DMKN: variants seen among roughly 807,000 people sequenced by gnomAD.
The protein encoded by DMKN is epidermis-specific secreted protein SK30/SK89.
A neutral mutation model predicts 67.6 loss-of-function variants in DMKN; 58 were observed. The observed-to-expected ratio is 0.86, with a 90% confidence interval of 0.69 to 1.07. DMKN has a LOEUF of 1.07. DMKN is among the 50% of genes least tolerant of loss of function. DMKN has a pLI of 0.00. For missense variants in DMKN, 596 were observed against 601.5 expected (o/e 0.99, Z 0.10); for synonymous variants, 240 against 232.3 (o/e 1.03, Z -0.30).
chr19:35,505,194 T>C (rs1412085850), intron 9 of DMKN, among the ~76,000 whole-genome samples: 1 of 152,058 alleles, frequency 6.6e-6, no homozygotes, highest in Non-Finnish European at 1.5e-5. Context: ...CAAAGCAGCC[T>C]GGCCAGGGGT....
rs748058652 is a variant in DMKN, at chr19:35,502,831, T to A, written c.1190A>T (p.Glu397Val). 15 of 1,613,814 alleles carry A rather than the reference T, an allele frequency of 9.3e-6. No homozygotes were observed. Among genetic ancestry groups the A allele is most frequent in the Admixed American group, 1.7e-5 (1 of 59,994 alleles). The change falls in exon 10 of 16, where the codon GAG becomes GTG. Residue 397 changes from glutamate (E) to valine (V), a missense_variant and splice_region_variant. Transcript: ENST00000339686. ...TTCAAACAGCAAGAATTCTCCTACC[T>A]CCCAGAGTCGGCTGAAGTAGAGGAG... Reference protein sequence around the residue: ...RALLYFSRLWEDFKQNTPFLN... With the variant: ...RALLYFSRLWVDFKQNTPFLN...
chr19:35,513,442 G>A lies in DMKN; in HGVS notation c.34C>T (p.Leu12=), dbSNP rs1381889754. ...KFQGPLACLL[L]ALCLGSGEAG... ...TCCCCACTGCCCAGGCAGAGGGCCA[G>A]CAGGAGGCAGGCCAGGGGCCCCTGG... The change falls in exon 1 of 16, where the codon CTG becomes TTG. Residue 12 remains leucine, a synonymous_variant. Coordinates refer to ENST00000339686, the MANE Select transcript of DMKN (RefSeq NM_033317.5). The A allele has an allele frequency of 6.2e-7, 1 of 1,601,418 alleles. No homozygotes were observed. Among genetic ancestry groups the A allele is most frequent in the East Asian group, 2.2e-5 (1 of 44,870 alleles).
At chr19:35,510,411 GA>G (rs1568629467) in intron 5 of DMKN, 159 bp from the exon 6 acceptor site, 3 of 1,552,388 alleles carry the variant, frequency 1.9e-6, no homozygotes, top group East Asian at 4.9e-5. Context: ...GTCGCTGCAG[GA>G]AGTTATTCCG....
At chr19:35,504,208 C>T (rs1168319717) in intron 9 of DMKN, among the ~76,000 whole-genome samples, 3 of 152,106 alleles carry the variant, frequency 2.0e-5, no homozygotes, top group Non-Finnish European at 2.9e-5. Flanking sequence ...TCTGTATGTG[C>T]CCCGGCTCTC....
chr19:35,508,048 T>G (rs1359569483), intron 7 of DMKN: 2 of 934,956 alleles, frequency 2.1e-6, no homozygotes, highest in African/African-American at 3.3e-5. Context: ...CTGTGAAACA[T>G]GGCCAGACCC....
At chr19:35,499,075 C>T (rs2067930039) in intron 13 of DMKN, 178 bp from the exon 14 acceptor site, 1 of 787,262 alleles carries the variant, frequency 1.3e-6, no homozygotes, top group Non-Finnish European at 2.0e-6. Flanking sequence ...GCACGTTTAT[C>T]ATCCTGAGTG....
At chr19:35,512,911 A>AG (rs2071063076) in intron 1 of DMKN, 121 bp from the exon 2 acceptor site, 1 of 1,503,582 alleles carries the variant, frequency 6.7e-7, no homozygotes. Flanking sequence ...GTGGCATAGG[A>AG]GGGGGGCAGA....
At chr19:35,509,987 T>C in intron 6 of DMKN, 26 bp from the exon 7 acceptor site, 1 of 1,613,880 alleles carries the variant, frequency 6.2e-7, no homozygotes, top group East Asian at 2.2e-5. Flanking sequence ...AGGGGAGACT[T>C]TCCCTCAGTC....
At chr19:35,506,215 A>C in intron 7 of DMKN, 1 of 1,482,392 alleles carries the variant, frequency 6.7e-7, no homozygotes, top group Non-Finnish European at 8.9e-7. Flanking sequence ...ACCGATGTCC[A>C]AGGCTTATGC....
chr19:35,511,021 C>G (rs1028888045), intron 5 of DMKN, among the ~76,000 whole-genome samples: 6 of 152,164 alleles, frequency 3.9e-5, no homozygotes, highest in South Asian at 2.1e-4. Flanking sequence ...CACAGTCCTG[C>G]CCCCATTCTC....
intron 4 of DMKN, 42 bp from the exon 5 acceptor site, chr19:35,511,635 G>A (rs771738960): frequency 1.0e-5 from 16 of 1,600,782 alleles, no homozygotes; most frequent in African/African-American, 9.4e-5. Flanking sequence ...TAAAGACAGA[G>A]CACCAAGACG....
At chr19:35,500,368 G>A (rs1289474644) in intron 12 of DMKN, 165 bp downstream of exon 12, 1 of 1,551,574 alleles carries the variant, frequency 6.4e-7, no homozygotes, top group Non-Finnish European at 8.7e-7. Context: ...GTCCATGGTA[G>A]ATGTCTCACC....
rs8106768 is a variant in DMKN at position 35,500,867 on chromosome 19, T to G, written c.1240-287A>C. Among the ~76,000 whole-genome samples the G allele has an allele frequency of 5.3e-3, 803 of 152,288 alleles. 7 individuals are homozygous for G. The highest frequency in any genetic ancestry group is 0.018 in the African/African-American group (767 of 41,558). On this transcript the variant is annotated intron_variant, in intron 11 of 15. Coordinates refer to ENST00000339686, the MANE Select transcript of DMKN (RefSeq NM_033317.5). ...AGCTAGAACAAGTGAGCTGCAGCCA[T>G]GCAGGCTCCTCTGGGGCAGACGCAG...
At position 35,511,517 on chromosome 19, in the gene DMKN, C is replaced by A; in HGVS notation, c.812G>T (p.Gly271Val). Residue 271 changes from glycine (G) to valine (V), a missense_variant, in exon 5 of 16, where the codon GGC (glycine) becomes GTC (valine). Physicochemically the swap from Gly to Val is moderately radical, Grantham distance 109 (BLOSUM62 -3). Transcript: ENST00000339686. ...GCCACTGCTGCTGCCACTGCTGCTGCCACCACTGCTGCTGCCATTGTTGTT... is the reference window on the plus strand; with the variant it reads ...GCCACTGCTGCTGCCACTGCTGCTGACACCACTGCTGCTGCCATTGTTGTT... ...GDNNNGSSSG[G>V]SSSGSSSGGS... 2 of 1,169,446 alleles carry A rather than the reference C, an allele frequency of 1.7e-6. No individual in the cohort carries two copies. Among genetic ancestry groups the A allele is most frequent in the South Asian group, 2.8e-5 (2 of 71,584 alleles). The allele number at this position is 1,169,446 out of a possible 1,614,324, so 72.4% of individuals were successfully genotyped here. A position where few individuals can be genotyped will look rare whatever the true frequency, so the allele number is the denominator to read the frequency against.
rs1476471096 is a variant in DMKN at position 35,505,754 on chromosome 19, G to A, written c.1098C>T (p.Ser366=). The change falls in exon 9 of 16, where the codon TCC becomes TCT. Residue 366 remains serine (S), a synonymous_variant. Transcript: ENST00000339686. Reference sequence around the variant, plus strand: ...CATCCCAGTTGATGAAACCCAGCTTGGATTTAAAATTCTATGGAGGAAACA... The same window carrying A: ...CATCCCAGTTGATGAAACCCAGCTTAGATTTAAAATTCTATGGAGGAAACA... ...NFDTFWKNFK[S]KLGFINWDAI... is the part of the protein sequence containing the mutation. 8.7e-6 allele frequency: 14 copies of A among 1,613,996 alleles called. No homozygotes were observed. The highest frequency in any genetic ancestry group is 1.3e-5 in the African/African-American group (1 of 74,896).
chr19:35,502,715 A>G (rs550026063), intron 10 of DMKN, 115 bp downstream of exon 10: 712 of 984,958 alleles, frequency 7.2e-4, no homozygotes, highest in African/African-American at 3.6e-3. Context: ...AAAAAAAAAA[A>G]GGGGGGGAGT....
In DMKN at chr19:35,505,989, A is replaced by G. The variant is rs774003866; in HGVS notation, c.1039-3T>C. ...ATCCCAGGAGACGTCTCAGAGTTCT[A>G]TGGAACCAAGGAGATATGGGATGAG... On this transcript the variant is annotated splice_polypyrimidine_tract_variant and splice_region_variant and intron_variant, in intron 7 of 15. Transcript: ENST00000339686. 3 of 1,614,192 alleles carry G rather than the reference A, an allele frequency of 1.9e-6. No individual in the cohort carries two copies. Among genetic ancestry groups the G allele is most frequent in the Admixed American group, 1.7e-5 (1 of 60,028 alleles).
intron 9 of DMKN, chr19:35,503,239 C>A: frequency 6.9e-7 from 1 of 1,452,658 alleles, no homozygotes; most frequent in South Asian, 1.5e-5. Context: ...TGTGGGGCTG[C>A]AGCCACCCCT....
chr19:35,508,136 C>A, intron 7 of DMKN: 1 of 1,544,104 alleles, frequency 6.5e-7, no homozygotes, highest in South Asian at 1.2e-5. Flanking sequence ...AGTATTGCTC[C>A]TGGAGAACAG....
Sources: allele counts gnomAD v4.1 joint callset (sites outside exome capture counted in the v4.1 genomes callset), GRCh38; gene constraint gnomAD v4.1.1; transcripts MANE v1.5; gene names NCBI Gene and HGNC (gene_info 2026-07-23, HGNC 2026-07-21).